CFAP77: variants seen among roughly 807,000 people sequenced by gnomAD.
CFAP77 encodes the protein cilia- and flagella-associated protein 77.
A neutral mutation model predicts 31.1 loss-of-function variants in CFAP77; 25 were observed. The observed-to-expected ratio is 0.80, with a 90% confidence interval of 0.59 to 1.12. CFAP77 has a LOEUF of 1.12. CFAP77 is among the 50% of genes most tolerant of loss of function. The pLI is 0.00. For synonymous variants in CFAP77, 151 were observed against 159.9 expected (o/e 0.94, Z 0.42); for missense variants, 377 against 397.3 (o/e 0.95, Z 0.44).
rs755949051 is a variant in CFAP77 at position 132,410,402 on chromosome 9, G to T, written c.131G>T (p.Gly44Val). Residue 44 changes from glycine (G) to valine (V), a missense_variant, in exon 1 of 6, where the codon GGC (glycine) becomes GTC (valine). Coordinates refer to ENST00000393216, the MANE Select transcript of CFAP77 (RefSeq NM_001282957.2). ...CTGACCGTGGCGGACATCCGTTCCGGCATGGAGAACGAGCGGCTGGGGGTC... is the reference window on the plus strand; with the variant it reads ...CTGACCGTGGCGGACATCCGTTCCGTCATGGAGAACGAGCGGCTGGGGGTC... The part of the protein sequence containing the change: ...RPLTVADIRS[G>V]MENERLGVVR... 6.2e-7 allele frequency: 1 copy of T among 1,601,914 alleles called. No individual in the cohort carries two copies. Among genetic ancestry groups the T allele is most frequent in the African/African-American group, 1.4e-5 (1 of 72,912 alleles).
intron 1 of CFAP77, among the ~76,000 whole-genome samples, chr9:132,487,913 T>C (rs1388306711): frequency 6.6e-6 from 1 of 152,242 alleles, no homozygotes; most frequent in Non-Finnish European, 1.5e-5. Flanking sequence ...TTTGCATTTA[T>C]ATTGTGCTTT....
At chr9:132,535,917 T>C (rs1414460181) in intron 3 of CFAP77, among the ~76,000 whole-genome samples, 1 of 152,060 alleles carries the variant, frequency 6.6e-6, no homozygotes, top group Non-Finnish European at 1.5e-5. Flanking sequence ...TAACACAAAG[T>C]CTATTCAAAA....
intron 3 of CFAP77, among the ~76,000 whole-genome samples, chr9:132,518,010 G>T (rs375163043): frequency 3.3e-5 from 5 of 152,080 alleles, no homozygotes; most frequent in African/African-American, 1.2e-4. Flanking sequence ...TAGTGGGCGC[G>T]TCCGGTGGTG....
In CFAP77 at chr9:132,498,602, T is replaced by A; in HGVS notation, c.196-93T>A. 1.1e-6 allele frequency: 1 copy of A among 933,882 alleles called. No homozygotes were observed. Among genetic ancestry groups the A allele is most frequent in the Non-Finnish European group, 1.7e-6 (1 of 598,362 alleles). 57.8% of individuals were successfully genotyped at this position (933,882 alleles called of 1,614,324 possible). Reference sequence around the variant, plus strand: ...AGGCCACGGCAGGGCCTGGGGGAAATGCAGGCATCTGGTGCCTCCCTGCTG... The same window carrying A: ...AGGCCACGGCAGGGCCTGGGGGAAAAGCAGGCATCTGGTGCCTCCCTGCTG... On this transcript the variant is annotated intron_variant, in intron 1 of 5. Coordinates refer to ENST00000393216, the MANE Select transcript of CFAP77 (RefSeq NM_001282957.2). This position sits in a 1 kb window ranked among gnomAD's most constrained non-coding sequence, Gnocchi z 4.2.
At chr9:132,519,775 GA>G (rs1852233334) in intron 3 of CFAP77, among the ~76,000 whole-genome samples, 1 of 127,142 alleles carries the variant, frequency 7.9e-6, no homozygotes, top group Non-Finnish European at 1.8e-5. Context: ...TGGATGGGTG[GA>G]TAGATGGATG....
intron 1 of CFAP77, among the ~76,000 whole-genome samples, chr9:132,423,141 G>A (rs567631950): frequency 7.9e-5 from 12 of 152,264 alleles, no homozygotes; most frequent in African/African-American, 2.9e-4. Flanking sequence ...GGCACCCAGG[G>A]GGCATAAATT....
chr9:132,477,597 T>C (rs1851371148), intron 1 of CFAP77, among the ~76,000 whole-genome samples: 1 of 152,168 alleles, frequency 6.6e-6, no homozygotes, highest in South Asian at 2.1e-4. Context: ...CACATAGTAA[T>C]TGCTCAGCAC....
intron 3 of CFAP77, among the ~76,000 whole-genome samples, chr9:132,504,631 C>T (rs758252155): frequency 2.0e-5 from 3 of 152,234 alleles, no homozygotes; most frequent in Admixed American, 6.5e-5. Flanking sequence ...CCTGATGTGA[C>T]GGGCAGCTCC....
intron 3 of CFAP77, among the ~76,000 whole-genome samples, chr9:132,516,810 A>T (rs1040252610): frequency 6.8e-5 from 10 of 148,112 alleles, no homozygotes; most frequent in Non-Finnish European, 1.5e-4. Context: ...GTTTCAGTTT[A>T]AAAAAAAATA....
rs1852713907 is a variant in CFAP77, at chr9:132,545,294, A to G, written c.732+2247A>G. Among the ~76,000 whole-genome samples, 1 of 152,216 alleles carries G rather than the reference A, an allele frequency of 6.6e-6. No homozygotes were observed. On this transcript the variant is annotated intron_variant, in intron 5 of 5. Transcript: ENST00000393216. The surrounding 1 kb of genome is among the most constrained non-coding windows in gnomAD (Gnocchi z 4.6). ...GTGCATATTACTTCATTTCAGCCTC[A>G]GAACAAGAGTCCTGACCAGGTGGTG...
At chr9:132,485,124 G>T (rs994548698) in intron 1 of CFAP77, among the ~76,000 whole-genome samples, 1 of 152,192 alleles carries the variant, frequency 6.6e-6, no homozygotes, top group Non-Finnish European at 1.5e-5. Flanking sequence ...GAACCATCAA[G>T]CAGATGTGTT....
chr9:132,487,491 C>T (rs1219522474), intron 1 of CFAP77, among the ~76,000 whole-genome samples: 1 of 152,020 alleles, frequency 6.6e-6, no homozygotes, highest in African/African-American at 2.4e-5. Context: ...AAAGTAAAAC[C>T]TCAATATCGA....
rs998182091 is a variant in CFAP77 at position 132,510,207 on chromosome 9, G to A, written c.524+10607G>A. ...AGGTCAACGCTAACGAGGCTGGCCC[G>A]GCTGGTTCCCCTCGGAGCCTCCCAG... On this transcript the variant is annotated intron_variant, in intron 3 of 5. Transcript: ENST00000393216. Among the ~76,000 whole-genome samples the A allele has an allele frequency of 4.6e-5, 7 of 152,186 alleles. No individual in the cohort carries two copies. In the South Asian group the frequency reaches 8.3e-4, roughly 18 times the overall value.
chr9:132,420,604 T>C (rs1745280438), intron 1 of CFAP77, among the ~76,000 whole-genome samples: 1 of 150,566 alleles, frequency 6.6e-6, no homozygotes, highest in South Asian at 2.1e-4. Flanking sequence ...GAGGTTGCAG[T>C]GAGCCAAGAT....
chr9:132,434,221 C>A (rs1387415832), intron 1 of CFAP77, among the ~76,000 whole-genome samples: 2 of 152,092 alleles, frequency 1.3e-5, no homozygotes, highest in African/African-American at 4.8e-5. Context: ...TTTCCAGACC[C>A]CATCCCCGCT....
At chr9:132,531,219 TTCTC>T (rs969876253) in intron 3 of CFAP77, among the ~76,000 whole-genome samples, 3 of 152,222 alleles carry the variant, frequency 2.0e-5, no homozygotes, top group Non-Finnish European at 4.4e-5. Context: ...TGTCCTCTCT[TTCTC>T]TCTCAGTCTT....
intron 1 of CFAP77, among the ~76,000 whole-genome samples, chr9:132,418,616 G>A (rs2131677819): frequency 6.6e-6 from 1 of 152,318 alleles, no homozygotes; most frequent in South Asian, 2.1e-4. Context: ...TAGCTTACAT[G>A]AGTTTGCTAG....
intron 5 of CFAP77, among the ~76,000 whole-genome samples, chr9:132,544,299 G>A (rs1241009897): frequency 1.3e-5 from 2 of 152,192 alleles, no homozygotes; most frequent in African/African-American, 4.8e-5. Flanking sequence ...GTACGTTTGG[G>A]AGGTGGAGGG....
chr9:132,422,862 G>A (rs1850244932), intron 1 of CFAP77, among the ~76,000 whole-genome samples: 1 of 152,228 alleles, frequency 6.6e-6, no homozygotes, highest in Non-Finnish European at 1.5e-5. Context: ...CAGCTGGGAT[G>A]GACATGTTAG....
Sources: gnomAD v4.1 joint callset for allele counts (sites outside exome capture counted in the v4.1 genomes callset) on GRCh38, gnomAD v4.1.1 for gene constraint, Gnocchi (gnomAD v3.1) non-coding constraint, MANE v1.5 for transcripts, NCBI Gene and HGNC (gene_info 2026-07-23, HGNC 2026-07-21) for gene names.